The following THSD7B variants were observed in gnomAD, a reference collection of about 807,000 sequenced individuals.
THSD7B encodes the protein thrombospondin type 1 domain containing 7B.
THSD7B carries 138 observed loss-of-function variants against 213.6 expected under a neutral mutation model. The observed-to-expected ratio is 0.65, with a 90% CI of 0.56 to 0.74. THSD7B has a LOEUF of 0.74. Among genes scored for constraint, THSD7B ranks in the 30% least tolerant of loss-of-function variants. The pLI is 0.00. For synonymous variants in THSD7B, 742 were observed against 687.0 expected (o/e 1.08, Z -1.25); for missense variants, 1,931 against 1,991.5 (o/e 0.97, Z 0.58).
intron 12 of THSD7B, among the ~76,000 whole-genome samples, chr2:137,389,664 T>C (rs1685976882): frequency 6.6e-6 from 1 of 151,704 alleles, no homozygotes; most frequent in Non-Finnish European, 1.5e-5. Flanking sequence ...TCCAGAAAAG[T>C]TTTCCCTAGG....
intron 17 of THSD7B, among the ~76,000 whole-genome samples, chr2:137,595,624 G>GT (rs1239878978): frequency 2.0e-5 from 3 of 151,928 alleles, no homozygotes; most frequent in African/African-American, 7.2e-5. Flanking sequence ...TAAAATTTCA[G>GT]TTTTAAACAG....
chr2:137,147,818 G>A (rs1444596032), intron 5 of THSD7B, among the ~76,000 whole-genome samples: 1 of 152,026 alleles, frequency 6.6e-6, no homozygotes. Flanking sequence ...GGATCTTCCT[G>A]TTCCCTTTCT....
intron 2 of THSD7B, among the ~76,000 whole-genome samples, chr2:136,965,393 T>C (rs1685296679): frequency 6.6e-6 from 1 of 152,186 alleles, no homozygotes; most frequent in Non-Finnish European, 1.5e-5. Context: ...TGTGCTGGCA[T>C]CACAATTCTA....
intron 14 of THSD7B, among the ~76,000 whole-genome samples, chr2:137,425,266 G>C (rs767299542): frequency 6.6e-6 from 1 of 151,594 alleles, no homozygotes; most frequent in Non-Finnish European, 1.5e-5. Context: ...GCTGGGCCTG[G>C]AGTGCAGTGG....
chr2:137,364,283 A>G (rs924137723), intron 12 of THSD7B, among the ~76,000 whole-genome samples: 2 of 152,206 alleles, frequency 1.3e-5, no homozygotes, highest in African/African-American at 2.4e-5. Flanking sequence ...CAAACAGCCA[A>G]TATCATACTG....
At chr2:137,160,489 C>T in intron 6 of THSD7B, 121 bp downstream of exon 6, 1 of 1,296,258 alleles carries the variant, frequency 7.7e-7, no homozygotes, top group South Asian at 1.6e-5. Flanking sequence ...AGATAACCAG[C>T]TCAAGCCTAA....
At chr2:136,901,109 A>G (rs1019729606) in intron 2 of THSD7B, among the ~76,000 whole-genome samples, 1 of 152,204 alleles carries the variant, frequency 6.6e-6, no homozygotes, top group Non-Finnish European at 1.5e-5. Flanking sequence ...ATAGAAAAAC[A>G]AAGTTTTGAT....
At chr2:137,595,119 T>G (rs59815663) in intron 17 of THSD7B, among the ~76,000 whole-genome samples, 18,510 of 151,936 alleles carry the variant, frequency 0.12, 1,301 homozygotes, top group South Asian at 0.21. Context: ...AACACAACTT[T>G]CCAGTTTTTA....
At chr2:137,382,794 G>A (rs1431287120) in intron 12 of THSD7B, among the ~76,000 whole-genome samples, 1 of 152,160 alleles carries the variant, frequency 6.6e-6, no homozygotes, top group Non-Finnish European at 1.5e-5. Context: ...GCACAATAAG[G>A]CCATGGGGTC....
At chr2:137,027,919 C>T (rs1282460951) in intron 2 of THSD7B, among the ~76,000 whole-genome samples, 2 of 152,116 alleles carry the variant, frequency 1.3e-5, no homozygotes, top group Non-Finnish European at 2.9e-5. Flanking sequence ...TCATATTATC[C>T]ACCTCATGAA....
chr2:137,476,356 T>G (rs1688192291), intron 15 of THSD7B, among the ~76,000 whole-genome samples: 1 of 152,114 alleles, frequency 6.6e-6, no homozygotes, highest in Non-Finnish European at 1.5e-5. Flanking sequence ...TTCTTTTTGC[T>G]TGTGCTTTTG....
At chr2:137,402,193 A>T (rs1686383193) in intron 12 of THSD7B, among the ~76,000 whole-genome samples, 1 of 152,208 alleles carries the variant, frequency 6.6e-6, no homozygotes, top group African/African-American at 2.4e-5. Flanking sequence ...TAAAGATGAA[A>T]ATACTAGGGC....
chr2:137,178,633 A>G (rs1298277799), intron 7 of THSD7B, among the ~76,000 whole-genome samples: 1 of 152,228 alleles, frequency 6.6e-6, no homozygotes, highest in Non-Finnish European at 1.5e-5. Context: ...AAAGAGAAAA[A>G]TAGAGACTCA....
intron 15 of THSD7B, among the ~76,000 whole-genome samples, chr2:137,501,866 CT>C (rs1476759656): frequency 6.6e-6 from 1 of 152,168 alleles, no homozygotes; most frequent in Non-Finnish European, 1.5e-5. Context: ...CTAAGCAGGG[CT>C]TTCCCCAGTG....
chr2:137,130,850 T>G (rs927211900), intron 5 of THSD7B, among the ~76,000 whole-genome samples: 2 of 137,686 alleles, frequency 1.5e-5, no homozygotes, highest in African/African-American at 5.2e-5. Flanking sequence ...CGTGTGCATG[T>G]GTCTTTATAG....
At chr2:137,542,651 A>G (rs779143077) in intron 15 of THSD7B, among the ~76,000 whole-genome samples, 1 of 151,744 alleles carries the variant, frequency 6.6e-6, no homozygotes, top group Non-Finnish European at 1.5e-5. Flanking sequence ...GATTCATAAC[A>G]GTCTTAGTAA....
At chr2:136,935,010 A>C (rs1440826186) in intron 2 of THSD7B, among the ~76,000 whole-genome samples, 1 of 152,178 alleles carries the variant, frequency 6.6e-6, no homozygotes, top group Non-Finnish European at 1.5e-5. Flanking sequence ...ATTAAGGTGA[A>C]TATAAAAGAT....
At chr2:137,669,483 T>G (rs1207731908) in intron 27 of THSD7B, among the ~76,000 whole-genome samples, 1 of 152,218 alleles carries the variant, frequency 6.6e-6, no homozygotes, top group Non-Finnish European at 1.5e-5. Context: ...GTTTGGCTAG[T>G]ATTGCCTAGA....
At chr2:137,038,894 C>A (rs1187515853) in intron 2 of THSD7B, among the ~76,000 whole-genome samples, 1 of 152,110 alleles carries the variant, frequency 6.6e-6, no homozygotes, top group Admixed American at 6.5e-5. Flanking sequence ...GAAAGTGGAG[C>A]AGCCACAGTT....
Sources: gnomAD v4.1 joint callset for allele counts (sites outside exome capture counted in the v4.1 genomes callset) on GRCh38, gnomAD v4.1.1 for gene constraint, MANE v1.5 for transcripts, NCBI Gene and HGNC (gene_info 2026-07-23, HGNC 2026-07-21) for gene names.